ZFPM2: variants seen among roughly 807,000 people sequenced by gnomAD.
ZFPM2 encodes zinc finger protein ZFPM2.
A neutral mutation model predicts 98.6 loss-of-function variants in ZFPM2; 20 were observed. That is an observed-to-expected ratio of 0.20 (90% CI 0.14 to 0.29). The LOEUF (loss-of-function observed/expected upper bound fraction) is 0.29. ZFPM2 is among the 10% of genes least tolerant of loss of function. The probability of loss-of-function intolerance (pLI) is 1.00; values close to 1 mark genes in which losing one functional copy is unlikely to be tolerated. For synonymous variants in ZFPM2, 518 were observed against 502.7 expected (o/e 1.03, Z -0.41); for missense variants, 1,310 against 1,388.6 (o/e 0.94, Z 0.90).
At chr8:105,461,362 AC>A (rs1245408106) in intron 3 of ZFPM2, among the ~76,000 whole-genome samples, 1 of 152,138 alleles carries the variant, frequency 6.6e-6, no homozygotes, top group East Asian at 1.9e-4. Flanking sequence ...AAATATTTCA[AC>A]CATGATTTAA....
intron 1 of ZFPM2, among the ~76,000 whole-genome samples, chr8:105,346,227 A>G (rs371361938): frequency 1.3e-5 from 2 of 151,958 alleles, no homozygotes; most frequent in East Asian, 3.9e-4. Flanking sequence ...CCTACTAAAA[A>G]TACAAAATTA....
intron 1 of ZFPM2, among the ~76,000 whole-genome samples, chr8:105,393,748 T>A (rs1811164302): frequency 6.6e-6 from 1 of 152,160 alleles, no homozygotes; most frequent in East Asian, 1.9e-4. Context: ...ATTCCTAAAC[T>A]GGAAATTAAA....
chr8:105,771,652 C>G (rs1255668341), intron 5 of ZFPM2, among the ~76,000 whole-genome samples: 1 of 152,152 alleles, frequency 6.6e-6, no homozygotes, highest in East Asian at 1.9e-4. Context: ...TTTTGCCGTT[C>G]ATTCCCCTAA....
At chr8:105,648,353 C>A (rs1817096376) in intron 5 of ZFPM2, among the ~76,000 whole-genome samples, 1 of 152,096 alleles carries the variant, frequency 6.6e-6, no homozygotes, top group Non-Finnish European at 1.5e-5. Flanking sequence ...ATAGTAGTTT[C>A]TTTTGTTGTG....
chr8:105,753,372 G>A (rs1796533092), intron 5 of ZFPM2, among the ~76,000 whole-genome samples: 1 of 152,042 alleles, frequency 6.6e-6, no homozygotes, highest in African/African-American at 2.4e-5. Context: ...TGAGGCCTCA[G>A]GCAGTTCACA....
At chr8:105,493,494 C>A (rs1813396963) in intron 3 of ZFPM2, among the ~76,000 whole-genome samples, 1 of 152,166 alleles carries the variant, frequency 6.6e-6, no homozygotes, top group Non-Finnish European at 1.5e-5. Flanking sequence ...ACACACACTG[C>A]AAGTGATAAG....
intron 1 of ZFPM2, among the ~76,000 whole-genome samples, chr8:105,403,876 C>T (rs1811387281): frequency 6.6e-6 from 1 of 151,936 alleles, no homozygotes; most frequent in Admixed American, 6.6e-5. Context: ...GCTGTTTTCT[C>T]CTTATTGATA....
In ZFPM2 at chr8:105,637,625, C is replaced by G. The variant is rs192098963; in HGVS notation, c.532+3268C>G. On this transcript the variant is annotated intron_variant, in intron 5 of 7. Transcript: ENST00000407775. ...GAGTGCCTTTAGAGGGAGGAGACAG[C>G]TCACCCAGAGCATGTCCCAAAGTTG... 2.6e-5 allele frequency among the ~76,000 whole-genome samples: 4 copies of G among 152,192 alleles called. No homozygotes were observed. The East Asian group carries it at 7.7e-4, about 29-fold the overall frequency.
intron 4 of ZFPM2, among the ~76,000 whole-genome samples, chr8:105,614,158 A>C (rs559712922): frequency 6.6e-6 from 1 of 152,292 alleles, no homozygotes; most frequent in East Asian, 1.9e-4. Flanking sequence ...TTTCCAAACA[A>C]TTCCAGGCAT....
intron 3 of ZFPM2, among the ~76,000 whole-genome samples, chr8:105,522,676 C>T (rs1397850467): frequency 6.6e-6 from 1 of 151,660 alleles, no homozygotes; most frequent in Non-Finnish European, 1.5e-5. Flanking sequence ...GAGGCTGAGG[C>T]AGGAGAATCG....
intron 1 of ZFPM2, among the ~76,000 whole-genome samples, chr8:105,410,361 G>A (rs79063927): frequency 0.013 from 1,917 of 151,940 alleles, 39 homozygotes; most frequent in African/African-American, 0.044. Context: ...CCTATGAAAC[G>A]ATTTAAGAAA....
chr8:105,361,273 T>C (rs1812855442), intron 1 of ZFPM2, among the ~76,000 whole-genome samples: 1 of 146,264 alleles, frequency 6.8e-6, no homozygotes, highest in South Asian at 2.3e-4. Flanking sequence ...AAATGTCTTC[T>C]TTTGAGAAGT....
At chr8:105,498,411 G>A (rs192300471) in intron 3 of ZFPM2, among the ~76,000 whole-genome samples, 2 of 152,188 alleles carry the variant, frequency 1.3e-5, no homozygotes, top group East Asian at 3.9e-4. Context: ...CTACAATGTG[G>A]CTAGTGTTGT....
At chr8:105,442,383 A>T (rs1812272168) in intron 2 of ZFPM2, among the ~76,000 whole-genome samples, 1 of 152,030 alleles carries the variant, frequency 6.6e-6, no homozygotes, top group Non-Finnish European at 1.5e-5. Flanking sequence ...CAACAAAAAA[A>T]ACTTGGACCT....
chr8:105,729,472 T>C (rs1365996689), intron 5 of ZFPM2, among the ~76,000 whole-genome samples: 2 of 151,684 alleles, frequency 1.3e-5, no homozygotes, highest in Non-Finnish European at 3.0e-5. Context: ...GCCTATATTA[T>C]GCATAATAAT....
intron 3 of ZFPM2, among the ~76,000 whole-genome samples, chr8:105,462,039 A>G (rs1197042340): frequency 6.6e-6 from 1 of 152,206 alleles, no homozygotes; most frequent in African/African-American, 2.4e-5. Context: ...TCCCTAAAAT[A>G]TAAGCAAGGA....
At chr8:105,541,313 T>G (rs1297423189) in intron 3 of ZFPM2, among the ~76,000 whole-genome samples, 7 of 152,136 alleles carry the variant, frequency 4.6e-5, no homozygotes, top group Non-Finnish European at 1.0e-4. Context: ...TGAGTTTCAG[T>G]TTAAGTAACT....
In ZFPM2 at chr8:105,801,594, C is replaced by G. The variant is rs752463320; in HGVS notation, c.1512C>G (p.Pro504=). 4.3e-6 allele frequency: 7 copies of G among 1,613,724 alleles called. No individual in the cohort carries two copies. The African/African-American group carries it at 6.7e-5, about 15-fold the overall frequency. The part of the protein sequence containing the change: ...VGPFLSQFSF[P]QDITMVPQAS... The stretch of plus-strand genomic sequence containing the variant: ...CTTTCCTATCTCAGTTTTCTTTCCC[C>G]CAAGATATCACCATGGTCCCTCAAG... Residue 504 remains proline, a synonymous_variant, in exon 8 of 8, where the codon CCC becomes CCG. Transcript: ENST00000407775.
intron 5 of ZFPM2, among the ~76,000 whole-genome samples, chr8:105,721,390 G>A (rs1374858787): frequency 2.0e-5 from 3 of 151,936 alleles, no homozygotes; most frequent in Admixed American, 2.0e-4. Context: ...TGTGTTGAAT[G>A]AATGAATTTC....
Sources: gnomAD v4.1 joint callset for allele counts (sites outside exome capture counted in the v4.1 genomes callset) on GRCh38, gnomAD v4.1.1 for gene constraint, MANE v1.5 for transcripts, NCBI Gene and HGNC (gene_info 2026-07-23, HGNC 2026-07-21) for gene names.